ERBB4: variants seen among roughly 807,000 people sequenced by gnomAD.
ERBB4 encodes the protein receptor tyrosine-protein kinase erbB-4.
ERBB4 carries 42 observed loss-of-function variants against 158.0 expected under a neutral mutation model. The ratio of observed to expected loss-of-function variants is 0.27; its 90% CI spans 0.21 to 0.34. The LOEUF is 0.34. Among genes scored for constraint, ERBB4 ranks in the 10% least tolerant of loss-of-function variants. The probability of loss-of-function intolerance (pLI) is 1.00; values close to 1 mark genes in which losing one functional copy is unlikely to be tolerated. For missense variants in ERBB4, 1,333 were observed against 1,624.1 expected (o/e 0.82, Z 3.08); for synonymous variants, 583 against 558.7 (o/e 1.04, Z -0.61).
Position 212,241,843 on chromosome 2 carries a change from T to A in ERBB4, c.83-116940A>T, listed in dbSNP as rs995501520. ...CATGTTTCTATTTAATGTGTATATG[T>A]ATTTTCATGTGCCATGTGAATTGAT... On this transcript the variant is annotated intron_variant, in intron 1 of 27. Coordinates refer to ENST00000342788, the MANE Select transcript of ERBB4 (RefSeq NM_005235.3). Among the ~76,000 whole-genome samples, 12 of 149,054 alleles carry A rather than the reference T, an allele frequency of 8.1e-5. 1 individual carries two copies. Among genetic ancestry groups the A allele is most frequent in the Admixed American group, 7.5e-4 (11 of 14,676 alleles).
At position 211,702,853 on chromosome 2, in the gene ERBB4, T is replaced by C. The variant is rs983658503; in HGVS notation, c.1290-687A>G. Among the ~76,000 whole-genome samples the C allele has an allele frequency of 9.2e-5, 14 of 152,290 alleles. No homozygotes were observed. In the East Asian group the frequency reaches 2.7e-3, roughly 29 times the overall value. ...CTCCATACTTGCAAAATACTAATATTACTTTGAGTGACAGAAAATTGAAAA... is the reference window on the plus strand; with the variant it reads ...CTCCATACTTGCAAAATACTAATATCACTTTGAGTGACAGAAAATTGAAAA... On this transcript the variant is annotated intron_variant, in intron 11 of 27. Coordinates refer to ENST00000342788, the MANE Select transcript of ERBB4 (RefSeq NM_005235.3).
chr2:212,130,210 T>C (rs1163060291), intron 1 of ERBB4, among the ~76,000 whole-genome samples: 3 of 152,098 alleles, frequency 2.0e-5, no homozygotes, highest in African/African-American at 7.2e-5. Context: ...ACTATAAGCC[T>C]ACAATAGTTC....
chr2:211,964,958 G>A (rs2081272353), intron 2 of ERBB4, among the ~76,000 whole-genome samples: 1 of 151,962 alleles, frequency 6.6e-6, no homozygotes, highest in Non-Finnish European at 1.5e-5. Flanking sequence ...AAAATTTAAT[G>A]TTATTATTTC....
At chr2:211,994,603 C>T (rs893880161) in intron 2 of ERBB4, among the ~76,000 whole-genome samples, 1 of 151,930 alleles carries the variant, frequency 6.6e-6, no homozygotes, top group Non-Finnish European at 1.5e-5. Flanking sequence ...GTAAAGCATA[C>T]ATTTACATTT....
intron 1 of ERBB4, among the ~76,000 whole-genome samples, chr2:212,489,830 A>T (rs1293306926): frequency 6.6e-6 from 1 of 151,792 alleles, no homozygotes; most frequent in Non-Finnish European, 1.5e-5. Context: ...ACTGTCTAAT[A>T]ATATACAACT....
At chr2:212,449,129 T>A (rs1286878546) in intron 1 of ERBB4, among the ~76,000 whole-genome samples, 1 of 152,148 alleles carries the variant, frequency 6.6e-6, no homozygotes, top group Non-Finnish European at 1.5e-5. Flanking sequence ...CCAGATTTCT[T>A]TTACTAGTGC....
intron 19 of ERBB4, among the ~76,000 whole-genome samples, chr2:211,573,334 A>G (rs972851748): frequency 6.6e-6 from 1 of 152,142 alleles, no homozygotes; most frequent in East Asian, 1.9e-4. Context: ...GAACTGTGAT[A>G]TAATATATTT....
intron 19 of ERBB4, among the ~76,000 whole-genome samples, chr2:211,580,114 T>C (rs1184538335): frequency 6.6e-6 from 1 of 152,152 alleles, no homozygotes; most frequent in African/African-American, 2.4e-5. Context: ...GAGTTCAAAT[T>C]ACAGTATAAC....
chr2:211,624,093 C>G (rs377407645), intron 17 of ERBB4, 49 bp from the exon 18 acceptor site: 35 of 1,609,502 alleles, frequency 2.2e-5, no homozygotes, highest in Middle Eastern at 1.6e-4. Context: ...ATAGTCAGTC[C>G]TCTCTCTCTG....
At chr2:212,025,294 T>C (rs1356670809) in intron 2 of ERBB4, among the ~76,000 whole-genome samples, 2 of 151,832 alleles carry the variant, frequency 1.3e-5, no homozygotes, top group Non-Finnish European at 3.0e-5. Context: ...AGTCACCCTA[T>C]TTGCAGCCCA....
intron 3 of ERBB4, among the ~76,000 whole-genome samples, chr2:211,935,958 C>T (rs2080311260): frequency 6.6e-6 from 1 of 152,076 alleles, no homozygotes; most frequent in Non-Finnish European, 1.5e-5. Flanking sequence ...CATAAAGATA[C>T]TTTGCTTTCT....
intron 2 of ERBB4, among the ~76,000 whole-genome samples, chr2:212,061,763 C>G (rs976776452): frequency 5.5e-4 from 78 of 142,586 alleles, no homozygotes; most frequent in Non-Finnish European, 6.3e-4. Context: ...TAGACAGAGT[C>G]TCACTCTTGC....
intron 2 of ERBB4, among the ~76,000 whole-genome samples, chr2:212,004,959 T>C (rs1483206647): frequency 6.6e-6 from 1 of 152,166 alleles, no homozygotes; most frequent in Non-Finnish European, 1.5e-5. Context: ...CTATTTCTCA[T>C]AGGTCCTTAC....
intron 3 of ERBB4, 71 bp from the exon 4 acceptor site, chr2:211,788,230 G>T (rs952234041): frequency 1.8e-6 from 2 of 1,138,778 alleles, no homozygotes; most frequent in South Asian, 2.6e-5. Flanking sequence ...CAACAAAAGT[G>T]ATTTGCTCTT....
chr2:212,343,367 A>T (rs1024553879), intron 1 of ERBB4, among the ~76,000 whole-genome samples: 1 of 152,178 alleles, frequency 6.6e-6, no homozygotes, highest in Admixed American at 6.6e-5. Flanking sequence ...CACAGTCCAG[A>T]GTATTCAGGT....
At chr2:211,630,992 A>G (rs2070101871) in intron 16 of ERBB4, among the ~76,000 whole-genome samples, 2 of 152,290 alleles carry the variant, frequency 1.3e-5, no homozygotes, top group South Asian at 2.1e-4. Flanking sequence ...GTGGTTTGTA[A>G]TTTTATTTCC....
At chr2:212,216,508 T>G (rs2083104306) in intron 1 of ERBB4, among the ~76,000 whole-genome samples, 1 of 151,356 alleles carries the variant, frequency 6.6e-6, no homozygotes, top group South Asian at 2.1e-4. Context: ...TCAAAAAGTG[T>G]CAAAAATCAA....
chr2:211,618,052 G>C (rs560098198), intron 19 of ERBB4, among the ~76,000 whole-genome samples: 1 of 152,040 alleles, frequency 6.6e-6, no homozygotes, highest in South Asian at 2.1e-4. Flanking sequence ...TTCAAGTTCT[G>C]ATTGACCTTA....
At chr2:211,655,339 T>G (rs555157938) in intron 16 of ERBB4, among the ~76,000 whole-genome samples, 8 of 152,172 alleles carry the variant, frequency 5.3e-5, no homozygotes, top group Non-Finnish European at 1.0e-4. Flanking sequence ...GAATTTTTGA[T>G]GTACAGAAAG....
Sources: gnomAD v4.1 joint callset for allele counts (sites outside exome capture counted in the v4.1 genomes callset) on GRCh38, gnomAD v4.1.1 for gene constraint, MANE v1.5 for transcripts, NCBI Gene and HGNC (gene_info 2026-07-23, HGNC 2026-07-21) for gene names.